Variants in ZNF718 observed in about 807,000 individuals in gnomAD.
The protein encoded by ZNF718 is zinc finger protein 718.
ZNF718 carries 3 observed loss-of-function variants against 2.6 expected under a neutral mutation model. The observed-to-expected ratio is 1.16, with a 90% CI of 0.53 to 3.01. The LOEUF is 3.01. Ranked by LOEUF, ZNF718 falls within the 30% of genes most tolerant of loss-of-function variation. The pLI is 0.03. For missense variants in ZNF718, 468 were observed against 230.0 expected, an observed-to-expected ratio of 2.03 and a Z score of -6.69; for synonymous variants, 135 against 77.9, an observed-to-expected ratio of 1.73 and a Z score of -3.86.
intron 3 of ZNF718, among the ~76,000 whole-genome samples, chr4:140,506 AATGT>A (rs1560111806): frequency 1.3e-5 from 2 of 152,120 alleles, no homozygotes; most frequent in African/African-American, 4.8e-5. Context: ...GGACCTGGTT[AATGT>A]GTGATGCCCT....
At chr4:188,743 A>T (rs1424450238) in intron 3 of ZNF718, among the ~76,000 whole-genome samples, 1 of 152,092 alleles carries the variant, frequency 6.6e-6, no homozygotes, top group East Asian at 1.9e-4. Flanking sequence ...GGTTGCAAAG[A>T]TTTGTGGGAG....
chr4:136,938 G>T (rs1262982183), intron 3 of ZNF718, among the ~76,000 whole-genome samples: 1 of 152,198 alleles, frequency 6.6e-6, no homozygotes, highest in Non-Finnish European at 1.5e-5. Context: ...GCAGTCCCTA[G>T]TGTTGGAGGT....
chr4:195,295 AATT>A (rs1553821855), intron 3 of ZNF718, among the ~76,000 whole-genome samples: 1 of 152,222 alleles, frequency 6.6e-6, no homozygotes, highest in Non-Finnish European at 1.5e-5. Flanking sequence ...TGGGCAGACC[AATT>A]ATTAAGCAAT....
At chr4:160,883 G>C (rs782059758) in intron 3 of ZNF718, 29 bp from the exon 4 acceptor site, 2 of 731,240 alleles carry the variant, frequency 2.7e-6, no homozygotes, top group Non-Finnish European at 5.0e-6. Context: ...CTAGTAAGTG[G>C]GATAATTTGT....
At chr4:196,316 C>G (rs1216528010) in intron 3 of ZNF718, among the ~76,000 whole-genome samples, 1 of 152,130 alleles carries the variant, frequency 6.6e-6, no homozygotes, top group East Asian at 1.9e-4. Flanking sequence ...ACATAACTGC[C>G]CATGTCAAGA....
chr4:125,417 G>A (rs1412390324), intron 1 of ZNF718: 2 of 152,450 alleles, frequency 1.3e-5, no homozygotes, highest in African/African-American at 4.8e-5. Context: ...CAGGAGAGCA[G>A]CTGCGGGAAG....
At chr4:200,329 C>T (rs1350930829) in intron 3 of ZNF718, among the ~76,000 whole-genome samples, 1 of 152,196 alleles carries the variant, frequency 6.6e-6, no homozygotes, top group Non-Finnish European at 1.5e-5. Flanking sequence ...GTGGTGTGAT[C>T]TTGGCTCACT....
At chr4:190,961 C>T (rs781863525) in intron 3 of ZNF718, among the ~76,000 whole-genome samples, 68 of 151,916 alleles carry the variant, frequency 4.5e-4, no homozygotes, top group Non-Finnish European at 7.9e-4. Context: ...ATCACTTGGA[C>T]CCAGGAGGCA....
At chr4:190,047 G>C (rs1717661096) in intron 3 of ZNF718, among the ~76,000 whole-genome samples, 2 of 152,070 alleles carry the variant, frequency 1.3e-5, no homozygotes, top group Admixed American at 6.5e-5. Flanking sequence ...TATTTATATA[G>C]GATTTTGGTC....
intron 3 of ZNF718, among the ~76,000 whole-genome samples, chr4:180,673 C>CATAT (rs1553819713): frequency 6.6e-6 from 1 of 152,204 alleles, no homozygotes; most frequent in African/African-American, 2.4e-5. Context: ...ATGCATAAGG[C>CATAT]ATATCCACCT....
intron 3 of ZNF718, among the ~76,000 whole-genome samples, chr4:174,199 G>A (rs576160805): frequency 7.9e-5 from 12 of 152,192 alleles, no homozygotes; most frequent in Admixed American, 6.5e-4. Context: ...GGCCTTCCAA[G>A]AAGGTTTGTG....
intron 3 of ZNF718, among the ~76,000 whole-genome samples, chr4:187,352 G>A (rs1275033492): frequency 2.0e-5 from 3 of 152,152 alleles, no homozygotes; most frequent in South Asian, 2.1e-4. Context: ...TCAGCCTCCC[G>A]AGTAGCTGGG....
chr4:165,926 G>T (rs1221594797), downstream of ZNF718, among the ~76,000 whole-genome samples: 1 of 152,022 alleles, frequency 6.6e-6, no homozygotes, highest in Non-Finnish European at 1.5e-5. Context: ...GTATACATGT[G>T]CACATGTGCC....
chr4:189,262 G>A (rs782303529), intron 3 of ZNF718, among the ~76,000 whole-genome samples: 5 of 151,468 alleles, frequency 3.3e-5, no homozygotes, highest in East Asian at 1.9e-4. Context: ...TGATCATAAC[G>A]TTTCTTATTG....
intron 3 of ZNF718, among the ~76,000 whole-genome samples, chr4:185,366 C>G (rs1161870192): frequency 5.9e-5 from 9 of 152,080 alleles, no homozygotes; most frequent in Non-Finnish European, 1.5e-5. Context: ...ATTTGAGACA[C>G]TGTTTGTTAT....
intron 3 of ZNF718, among the ~76,000 whole-genome samples, chr4:155,034 T>C (rs947529986): frequency 2.0e-5 from 3 of 152,194 alleles, no homozygotes; most frequent in Admixed American, 1.3e-4. Context: ...AGGCCTTGGC[T>C]TCAGAGGGTC....
At chr4:148,265 C>G (rs1716155825) in intron 3 of ZNF718, among the ~76,000 whole-genome samples, 1 of 152,084 alleles carries the variant, frequency 6.6e-6, no homozygotes, top group Non-Finnish European at 1.5e-5. Flanking sequence ...AAAACTGCCC[C>G]TGGACTTTGG....
chr4:161,893 C>T lies in ZNF718; in HGVS notation c.1208C>T (p.Ala403Val), dbSNP rs1553815442. Residue 403 changes from alanine (A) to valine (V), a missense_variant, in exon 4 of 4, where the codon GCC becomes GTC. By Grantham distance (64) the Ala-to-Val change is moderately conservative. Coordinates refer to ENST00000510175, the MANE Select transcript of ZNF718 (RefSeq NM_001039127.6). ...NPYKCEDCGK[A>V]FKVFANLHNH... ...TACAAATGTGAAGATTGTGGCAAAG[C>T]CTTTAAAGTGTTTGCAAACCTGCAT... is the stretch of plus-strand genomic sequence containing the variant. 2.6e-6 allele frequency: 2 copies of T among 780,076 alleles called. No individual in the cohort carries two copies. The highest frequency in any genetic ancestry group is 2.7e-5 in the South Asian group (2 of 74,520). 48.3% of individuals were successfully genotyped at this position (780,076 alleles called of 1,614,324 possible). A position where few individuals can be genotyped will look rare whatever the true frequency, so the allele number is the denominator to read the frequency against.
intron 3 of ZNF718, among the ~76,000 whole-genome samples, chr4:182,362 C>A (rs1553819935): frequency 6.6e-6 from 1 of 151,840 alleles, no homozygotes; most frequent in African/African-American, 2.4e-5. Context: ...GCCATTCTGA[C>A]TTGTGTGAGA....
Sources: gnomAD v4.1 joint callset for allele counts (sites outside exome capture counted in the v4.1 genomes callset) on GRCh38, gnomAD v4.1.1 for gene constraint, MANE v1.5 for transcripts, NCBI Gene and HGNC (gene_info 2026-07-23, HGNC 2026-07-21) for gene names.